The following XIRP2 variants were observed in gnomAD, a reference collection of about 807,000 sequenced individuals.
XIRP2 encodes xin actin-binding repeat-containing protein 2.
A neutral mutation model predicts 277.0 loss-of-function variants in XIRP2; 236 were observed. The ratio of observed to expected loss-of-function variants is 0.85; its 90% CI spans 0.77 to 0.95. The LOEUF (loss-of-function observed/expected upper bound fraction) is 0.95. XIRP2 is among the 40% of genes least tolerant of loss of function. The probability of loss-of-function intolerance (pLI) is 0.00; values close to 1 mark genes in which losing one functional copy is unlikely to be tolerated. For missense variants in XIRP2, 4,640 were observed against 4,157.5 expected, an observed-to-expected ratio of 1.12 and a Z score of -3.19; for synonymous variants, 1,490 against 1,416.5, an observed-to-expected ratio of 1.05 and a Z score of -1.17.
chr2:166,928,294 C>G (rs143141871), intron 2 of XIRP2, among the ~76,000 whole-genome samples: 15 of 152,108 alleles, frequency 9.9e-5, no homozygotes, highest in African/African-American at 3.6e-4. Context: ...TTATGGGGAG[C>G]CATAGTCATG....
Position 167,249,401 on chromosome 2 carries a change from A to T in XIRP2, c.8009A>T (p.Lys2670Ile), listed in dbSNP as rs368665431. The change falls in exon 9 of 11, where the codon AAA (lysine) becomes ATA (isoleucine). Residue 2670 changes from lysine to isoleucine, a missense_variant. By Grantham distance (102) the Lys-to-Ile change is moderately radical (BLOSUM62 -3). Coordinates refer to ENST00000409195, the MANE Select transcript of XIRP2 (RefSeq NM_152381.6). ...LQSSRDIMQS[K>I]SACEIKQSHQ... Reference sequence around the variant, plus strand: ...AGCTCAAGGGACATTATGCAATCCAAATCAGCTTGCGAAATTAAACAAAGT... The same window carrying T: ...AGCTCAAGGGACATTATGCAATCCATATCAGCTTGCGAAATTAAACAAAGT... 10 of 1,613,788 alleles carry T rather than the reference A, an allele frequency of 6.2e-6. No individual in the cohort carries two copies. Among genetic ancestry groups the T allele is most frequent in the Non-Finnish European group, 8.5e-6 (10 of 1,179,830 alleles).
intron 2 of XIRP2, among the ~76,000 whole-genome samples, chr2:167,015,718 AG>A (rs1239443711): frequency 6.6e-6 from 1 of 151,754 alleles, no homozygotes; most frequent in African/African-American, 2.4e-5. Flanking sequence ...AACTTTGAAG[AG>A]AGGGTACAGG....
At position 167,196,438 on chromosome 2, in the gene XIRP2, G is replaced by GTGTGTA. The variant is rs1215572607; in HGVS notation, c.563-14292_563-14291insATGTGT. 2.4e-3 allele frequency among the ~76,000 whole-genome samples: 368 copies of GTGTGTA among 151,684 alleles called. 4 individuals carry two copies. Among genetic ancestry groups the GTGTGTA allele is most frequent in the African/African-American group, 8.4e-3 (349 of 41,334 alleles). On this transcript the variant is annotated intron_variant, in intron 3 of 10. Transcript: ENST00000409195. ...TGTGTGTGTGTGTGTGTGTGTGTGT[G>GTGTGTA]TGTGTGTGTGTGTAGACTGGCCACG...
intron 2 of XIRP2, among the ~76,000 whole-genome samples, chr2:166,953,377 G>C (rs943033064): frequency 2.0e-5 from 3 of 151,862 alleles, no homozygotes; most frequent in African/African-American, 7.2e-5. Context: ...ACAAGATCTG[G>C]TGGTTTTATA....
chr2:166,892,684 G>A (rs1684134247), intron 1 of XIRP2, among the ~76,000 whole-genome samples: 1 of 151,848 alleles, frequency 6.6e-6, no homozygotes, highest in African/African-American at 2.4e-5. Flanking sequence ...CAGGTTCCCA[G>A]AGCTGAAGTT....
At chr2:166,964,596 T>C (rs1686378545) in intron 2 of XIRP2, among the ~76,000 whole-genome samples, 1 of 151,856 alleles carries the variant, frequency 6.6e-6, no homozygotes. Flanking sequence ...CCTCCTTTTA[T>C]CATCCTTCCA....
In XIRP2 at chr2:166,965,836, C is replaced by T. The variant is rs567602007; in HGVS notation, c.408+61946C>T. On this transcript the variant is annotated intron_variant, in intron 2 of 10. Transcript: ENST00000409195. ...GGGCTCAAGCCATCCACCCACCTTG[C>T]TGGCCTCCCAAAGTGCTGGGATTAT... Among the ~76,000 whole-genome samples the T allele has an allele frequency of 2.6e-5, 4 of 151,846 alleles. No individual in the cohort carries two copies. The South Asian group carries it at 8.3e-4, about 31-fold the overall frequency.
chr2:167,191,070 C>T (rs1327769600), intron 3 of XIRP2, among the ~76,000 whole-genome samples: 2 of 151,488 alleles, frequency 1.3e-5, no homozygotes, highest in African/African-American at 4.9e-5. Flanking sequence ...CCTGCAGTCT[C>T]AGCTACTTGG....
At chr2:167,034,301 A>G (rs1688448779) in intron 2 of XIRP2, among the ~76,000 whole-genome samples, 1 of 152,128 alleles carries the variant, frequency 6.6e-6, no homozygotes, top group Non-Finnish European at 1.5e-5. Context: ...ACGGATACAC[A>G]AAACAGTAAA....
intron 2 of XIRP2, among the ~76,000 whole-genome samples, chr2:167,023,306 G>GT (rs1252788064): frequency 3.3e-5 from 5 of 151,798 alleles, no homozygotes; most frequent in East Asian, 1.9e-4. Context: ...GGGGTTGTTT[G>GT]TTTTTTTCTT....
intron 2 of XIRP2, among the ~76,000 whole-genome samples, chr2:166,928,032 T>G (rs1199093691): frequency 6.6e-6 from 1 of 152,148 alleles, no homozygotes; most frequent in Non-Finnish European, 1.5e-5. Context: ...ATTTTTTTTC[T>G]CTCTGCCTTC....
chr2:167,232,448 A>C (rs1222957450), intron 5 of XIRP2, among the ~76,000 whole-genome samples: 4 of 151,828 alleles, frequency 2.6e-5, no homozygotes, highest in Non-Finnish European at 5.9e-5. Context: ...TGGAGAAAAA[A>C]AAATGTACAT....
At chr2:167,176,213 C>G (rs1559008286) in intron 3 of XIRP2, among the ~76,000 whole-genome samples, 1 of 152,142 alleles carries the variant, frequency 6.6e-6, no homozygotes, top group Non-Finnish European at 1.5e-5. Context: ...CAAACAGCTG[C>G]CCAGTTTCGT....
rs1485983675 is a variant in XIRP2 at position 167,200,807 on chromosome 2, A to G, written c.563-9928A>G. On this transcript the variant is annotated intron_variant, in intron 3 of 10. Coordinates refer to ENST00000409195, the MANE Select transcript of XIRP2 (RefSeq NM_152381.6). ...TGGGAAGTAGATGTTTATAGAATGC[A>G]GGACTAAAGCCCTAAGAGGAAAATG... Among the ~76,000 whole-genome samples the G allele has an allele frequency of 3.9e-5, 6 of 152,158 alleles. No homozygotes were observed. In the East Asian group the frequency reaches 9.7e-4, roughly 24 times the overall value.
At chr2:166,958,417 T>G (rs904137389) in intron 2 of XIRP2, among the ~76,000 whole-genome samples, 2 of 151,638 alleles carry the variant, frequency 1.3e-5, no homozygotes, top group African/African-American at 4.8e-5. Flanking sequence ...CATTTGAGAG[T>G]TTTCCTCATA....
chr2:166,907,355 T>G (rs1684550427), intron 2 of XIRP2, among the ~76,000 whole-genome samples: 1 of 152,208 alleles, frequency 6.6e-6, no homozygotes, highest in South Asian at 2.1e-4. Flanking sequence ...TTATGTAATT[T>G]GTCAATAGCA....
chr2:166,892,669 C>T (rs1684133933), intron 1 of XIRP2, among the ~76,000 whole-genome samples: 1 of 151,926 alleles, frequency 6.6e-6, no homozygotes, highest in Non-Finnish European at 1.5e-5. Flanking sequence ...TATGTTGAGG[C>T]TTCTCAGGTT....
chr2:167,022,711 G>C (rs889665647), intron 2 of XIRP2, among the ~76,000 whole-genome samples: 1 of 149,574 alleles, frequency 6.7e-6, no homozygotes, highest in African/African-American at 2.5e-5. Flanking sequence ...TCGGTTTTTT[G>C]TCCTTGCGGT....
At chr2:166,996,973 A>C (rs1687239106) in intron 2 of XIRP2, among the ~76,000 whole-genome samples, 1 of 152,244 alleles carries the variant, frequency 6.6e-6, no homozygotes, top group Non-Finnish European at 1.5e-5. Flanking sequence ...ACCTTAATAA[A>C]GAGAAGTTAA....
Sources: gnomAD v4.1 joint callset for allele counts (sites outside exome capture counted in the v4.1 genomes callset) on GRCh38, gnomAD v4.1.1 for gene constraint, MANE v1.5 for transcripts, NCBI Gene and HGNC (gene_info 2026-07-23, HGNC 2026-07-21) for gene names.